Variants in CAPNS1 observed in about 807,000 individuals in gnomAD.
CAPNS1 encodes CANP small subunit.
A neutral mutation model predicts 39.2 loss-of-function variants in CAPNS1; 32 were observed. That is an observed-to-expected ratio of 0.82 (90% confidence interval 0.62 to 1.10). The LOEUF (loss-of-function observed/expected upper bound fraction) is 1.10. Among genes scored for constraint, CAPNS1 ranks in the 50% least tolerant of loss-of-function variants. The probability of loss-of-function intolerance (pLI) is 0.00; values close to 1 mark genes in which losing one functional copy is unlikely to be tolerated. For missense variants in CAPNS1, 353 were observed against 373.1 expected, an observed-to-expected ratio of 0.95 and a Z score of 0.44; for synonymous variants, 153 against 136.2, an observed-to-expected ratio of 1.12 and a Z score of -0.86.
chr19:36,147,629 G>A (rs1365580175), intron 9 of CAPNS1, among the ~76,000 whole-genome samples: 1 of 152,170 alleles, frequency 6.6e-6, no homozygotes, highest in African/African-American at 2.4e-5. Context: ...AGCCAGGTGT[G>A]GTGGCGGGCG....
chr19:36,143,963 C>T (rs1028373119), intron 6 of CAPNS1: 3 of 151,202 alleles, frequency 2.0e-5, no homozygotes, highest in African/African-American at 7.3e-5. Context: ...ATCACGAGGT[C>T]AGGAGATCGA....
At chr19:36,140,839 C>A in intron 1 of CAPNS1, 158 bp from the exon 2 acceptor site, 2 of 1,115,282 alleles carry the variant, frequency 1.8e-6, no homozygotes, top group Non-Finnish European at 2.5e-6. Flanking sequence ...ATCCCCCATA[C>A]CTGCCCCACC....
intron 2 of CAPNS1, 51 bp downstream of exon 2, chr19:36,141,271 A>C (rs763841502): frequency 9.4e-6 from 14 of 1,482,618 alleles, no homozygotes; most frequent in East Asian, 2.8e-5. Context: ...GAGGAGCCTC[A>C]GTGAGGCGTG....
At chr19:36,149,320 C>T (rs1276480841) in intron 9 of CAPNS1, among the ~76,000 whole-genome samples, 4 of 152,164 alleles carry the variant, frequency 2.6e-5, no homozygotes, top group Non-Finnish European at 4.4e-5. Flanking sequence ...CCCATCTTGG[C>T]CTTCCAAAGT....
chr19:36,150,021 T>A lies in CAPNS1; in HGVS notation c.*182T>A, dbSNP rs1974721467. The A allele has an allele frequency of 4.0e-6, 2 of 498,282 alleles. No homozygotes were observed. The highest frequency in any genetic ancestry group is 5.4e-5 in the South Asian group (1 of 18,540). 30.9% of individuals were successfully genotyped at this position (498,282 alleles called of 1,614,324 possible). On this transcript the variant is annotated 3_prime_UTR_variant, in exon 11 of 11. Transcript: ENST00000246533. Reference sequence around the variant, plus strand: ...CATCCAGGGCCCAATTTGCCCTGCCTGGAGTTCCCCCTGGCTCTAGGACAC... The same window carrying A: ...CATCCAGGGCCCAATTTGCCCTGCCAGGAGTTCCCCCTGGCTCTAGGACAC...
At chr19:36,145,745 C>T in intron 6 of CAPNS1, 61 bp from the exon 7 acceptor site, 2 of 1,395,610 alleles carry the variant, frequency 1.4e-6, no homozygotes, top group Non-Finnish European at 2.0e-6. Flanking sequence ...ATCGTGTCCA[C>T]AGTGCATGTG....
chr19:36,147,927 G>A (rs1448432702), intron 9 of CAPNS1: 2 of 151,942 alleles, frequency 1.3e-5, no homozygotes, highest in African/African-American at 4.8e-5. Context: ...ACAAAAGTTA[G>A]CCAGGCGTGG....
chr19:36,146,520 G>C (rs775490584), intron 9 of CAPNS1, among the ~76,000 whole-genome samples: 6 of 152,218 alleles, frequency 3.9e-5, no homozygotes, highest in Non-Finnish European at 7.3e-5. Context: ...TGATGGCTGG[G>C]AGAGGGGAAG....
At chr19:36,148,079 C>CAA (rs964061611) in intron 9 of CAPNS1, 4 of 80,910 alleles carry the variant, frequency 4.9e-5, no homozygotes, top group Non-Finnish European at 7.6e-5. Context: ...GATTCCATCT[C>CAA]AAAAAAAAAA....
chr19:36,142,595 G>A, intron 3 of CAPNS1, 57 bp from the exon 4 acceptor site: 1 of 1,462,112 alleles, frequency 6.8e-7, no homozygotes, highest in Admixed American at 1.8e-5. Flanking sequence ...CCTGGGTTTG[G>A]GGAGCCGTCC....
chr19:36,145,168 A>C (rs1974517675), intron 6 of CAPNS1, among the ~76,000 whole-genome samples: 3 of 150,996 alleles, frequency 2.0e-5, no homozygotes, highest in Non-Finnish European at 4.4e-5. Flanking sequence ...ATTTTTATGA[A>C]ATTGAGTTAC....
chr19:36,146,211 A>T lies in CAPNS1; in HGVS notation c.620A>T (p.Glu207Val). ...TCCATCTTAGGGTTCCACCTGAATG[A>T]GCATCTCTATAACATGATCATCCGA... Reference protein sequence around the residue: ...AFEAAGFHLNEHLYNMIIRRY... With the variant: ...AFEAAGFHLNVHLYNMIIRRY... The change falls in exon 9 of 11, where the codon GAG becomes GTG. Residue 207 changes from glutamate to valine, a missense_variant. Glu to Val is a moderately radical substitution (Grantham distance 121, BLOSUM62 -2). Coordinates refer to ENST00000246533, the MANE Select transcript of CAPNS1 (RefSeq NM_001749.4). The T allele has an allele frequency of 6.2e-7, 1 of 1,613,210 alleles. No homozygotes were observed.
chr19:36,147,821 C>T (rs1974626493), intron 9 of CAPNS1, among the ~76,000 whole-genome samples: 1 of 151,392 alleles, frequency 6.6e-6, no homozygotes, highest in Non-Finnish European at 1.5e-5. Flanking sequence ...GCCTGTAATC[C>T]CAGCACTCTG....
chr19:36,143,829 C>G (rs543006200), intron 6 of CAPNS1, among the ~76,000 whole-genome samples: 4 of 147,966 alleles, frequency 2.7e-5, no homozygotes, highest in African/African-American at 7.5e-5. Flanking sequence ...CGCCACTGCA[C>G]TCCAGCCTGG....
intron 3 of CAPNS1, 26 bp downstream of exon 3, chr19:36,142,359 C>T (rs748784770): frequency 6.6e-6 from 9 of 1,356,792 alleles, no homozygotes; most frequent in South Asian, 3.9e-5. Flanking sequence ...AACCAGACCC[C>T]CTTCTCCTGC....
intron 9 of CAPNS1, among the ~76,000 whole-genome samples, chr19:36,148,852 C>T (rs891173700): frequency 6.6e-6 from 1 of 151,782 alleles, no homozygotes; most frequent in Non-Finnish European, 1.5e-5. Flanking sequence ...GTGTGCAGGA[C>T]GCTGTGGGTA....
chr19:36,149,946 G>T lies in CAPNS1; in HGVS notation c.*107G>T, dbSNP rs1052761054. ...CTGCAGTCACATCTTTGTGGGGCCT[G>T]CTGACCCACAAGCTTTTGTTCTCTC... On this transcript the variant is annotated 3_prime_UTR_variant, in exon 11 of 11. Coordinates refer to ENST00000246533, the MANE Select transcript of CAPNS1 (RefSeq NM_001749.4). 12 of 1,066,308 alleles carry T rather than the reference G, an allele frequency of 1.1e-5. No homozygotes were observed. The highest frequency in any genetic ancestry group is 1.5e-5 in the Non-Finnish European group (12 of 787,890). The allele number at this position is 1,066,308 out of a possible 1,614,324, so 66.1% of individuals were successfully genotyped here.
chr19:36,141,987 AT>A (rs750487164), intron 2 of CAPNS1, among the ~76,000 whole-genome samples: 4 of 151,966 alleles, frequency 2.6e-5, no homozygotes, highest in Admixed American at 1.3e-4. Context: ...TCTACGTGGG[AT>A]TTTTTAGGTT....
At chr19:36,142,406 A>C (rs918087522) in intron 3 of CAPNS1, 73 bp downstream of exon 3, 12 of 771,018 alleles carry the variant, frequency 1.6e-5, no homozygotes, top group Non-Finnish European at 2.7e-5. Context: ...GTTCCTGTAG[A>C]GAAGCCCCAC....
Sources: gnomAD v4.1 joint callset for allele counts (sites outside exome capture counted in the v4.1 genomes callset) on GRCh38, gnomAD v4.1.1 for gene constraint, MANE v1.5 for transcripts, NCBI Gene and HGNC (gene_info 2026-07-23, HGNC 2026-07-21) for gene names.